Variants in CTNNA2 observed in about 807,000 individuals in gnomAD.
CTNNA2 encodes the protein catenin alpha 2.
In CTNNA2, 42 loss-of-function variants were observed where a neutral mutation model predicts 101.0. The observed-to-expected ratio is 0.42, with a 90% CI of 0.32 to 0.54. CTNNA2 has a LOEUF of 0.54. CTNNA2 is among the 20% of genes least tolerant of loss of function. The pLI is 0.14. For missense variants in CTNNA2, 871 were observed against 1,223.1 expected, an observed-to-expected ratio of 0.71 and a Z score of 4.29; for synonymous variants, 450 against 456.4, an observed-to-expected ratio of 0.99 and a Z score of 0.18.
intron 9 of CTNNA2, among the ~76,000 whole-genome samples, chr2:80,524,927 C>A (rs1187038597): frequency 6.6e-6 from 1 of 152,110 alleles, no homozygotes; most frequent in Non-Finnish European, 1.5e-5. Flanking sequence ...GCCACCCCCA[C>A]CTCATACTTT....
intron 2 of CTNNA2, among the ~76,000 whole-genome samples, chr2:79,251,904 C>T (rs911992764): frequency 5.3e-5 from 8 of 152,168 alleles, no homozygotes; most frequent in African/African-American, 1.9e-4. Flanking sequence ...GCAATATATA[C>T]TAAACCGCCA....
chr2:80,505,942 T>A (rs1316449909), intron 9 of CTNNA2, among the ~76,000 whole-genome samples: 1 of 152,164 alleles, frequency 6.6e-6, no homozygotes, highest in Non-Finnish European at 1.5e-5. Context: ...AAGGGATATG[T>A]GGAGAATTTT....
At chr2:80,546,159 G>C in intron 11 of CTNNA2, 96 bp downstream of exon 11, 1 of 1,455,508 alleles carries the variant, frequency 6.9e-7, no homozygotes, top group Admixed American at 2.1e-5. Context: ...CTGTGTTTCA[G>C]GCGCACTCCT....
At chr2:79,693,261 G>T (rs1172363378) in intron 2 of CTNNA2, among the ~76,000 whole-genome samples, 1 of 151,870 alleles carries the variant, frequency 6.6e-6, no homozygotes, top group Non-Finnish European at 1.5e-5. Context: ...GGTGTTAGAA[G>T]TGGATGAGGC....
intron 7 of CTNNA2, among the ~76,000 whole-genome samples, chr2:80,317,255 C>G (rs993381639): frequency 1.3e-5 from 2 of 152,144 alleles, no homozygotes; most frequent in African/African-American, 4.8e-5. Context: ...CAAACATTCA[C>G]CAGCATCCTC....
chr2:79,503,925 T>C (rs1671356722), intron 4 of CTNNA2, among the ~76,000 whole-genome samples: 1 of 152,160 alleles, frequency 6.6e-6, no homozygotes, highest in African/African-American at 2.4e-5. Flanking sequence ...GAAGTTGAGT[T>C]GCTGCTCTAT....
At chr2:80,275,589 T>C (rs1201581215) in intron 7 of CTNNA2, among the ~76,000 whole-genome samples, 4 of 152,152 alleles carry the variant, frequency 2.6e-5, no homozygotes, top group Non-Finnish European at 4.4e-5. Context: ...GTTGTTGATA[T>C]TGTTAATTAA....
chr2:79,888,157 C>A (rs889008576), intron 6 of CTNNA2, among the ~76,000 whole-genome samples: 2 of 152,114 alleles, frequency 1.3e-5, no homozygotes, highest in African/African-American at 4.8e-5. Context: ...CCATCCCTAC[C>A]TCTGGGATGG....
intron 2 of CTNNA2, among the ~76,000 whole-genome samples, chr2:79,735,798 G>A (rs1360853913): frequency 3.3e-5 from 5 of 152,148 alleles, no homozygotes; most frequent in Non-Finnish European, 7.4e-5. Flanking sequence ...CTCAGTATCA[G>A]TGGGCATGCA....
intron 3 of CTNNA2, among the ~76,000 whole-genome samples, chr2:79,787,248 T>C (rs562044799): frequency 2.0e-5 from 3 of 152,312 alleles, no homozygotes; most frequent in Non-Finnish European, 4.4e-5. Context: ...TATATACTTA[T>C]AACTTTTTTC....
chr2:80,209,622 C>T (rs946441717), intron 7 of CTNNA2, among the ~76,000 whole-genome samples: 2 of 151,976 alleles, frequency 1.3e-5, no homozygotes, highest in African/African-American at 4.8e-5. Flanking sequence ...CACACACACA[C>T]AGACACACCA....
intron 7 of CTNNA2, among the ~76,000 whole-genome samples, chr2:80,116,730 G>A (rs1365404040): frequency 6.6e-6 from 1 of 152,166 alleles, no homozygotes; most frequent in Non-Finnish European, 1.5e-5. Flanking sequence ...GGAAGAACAG[G>A]CTCAGGGAAG....
chr2:80,081,795 C>G (rs992464375), intron 7 of CTNNA2, among the ~76,000 whole-genome samples: 4 of 151,644 alleles, frequency 2.6e-5, no homozygotes, highest in Non-Finnish European at 5.9e-5. Flanking sequence ...TTCTCTCTCT[C>G]TCTATCTCCT....
At chr2:80,133,606 C>T (rs1193845675) in intron 7 of CTNNA2, among the ~76,000 whole-genome samples, 5 of 152,118 alleles carry the variant, frequency 3.3e-5, no homozygotes, top group Non-Finnish European at 5.9e-5. Flanking sequence ...TGAACCTCTA[C>T]TGGACAGAAC....
chr2:80,012,875 A>G (rs1398310969), intron 7 of CTNNA2, among the ~76,000 whole-genome samples: 1 of 152,180 alleles, frequency 6.6e-6, no homozygotes, highest in South Asian at 2.1e-4. Flanking sequence ...AAAATTTAAA[A>G]CATTCTCGAC....
At chr2:79,342,559 A>G (rs1677160955) in intron 3 of CTNNA2, among the ~76,000 whole-genome samples, 2 of 152,224 alleles carry the variant, frequency 1.3e-5, no homozygotes, top group African/African-American at 4.8e-5. Flanking sequence ...TGGAAGAGGA[A>G]ATACAGTGAT....
chr2:80,436,398 G>C (rs1186674821), intron 9 of CTNNA2, among the ~76,000 whole-genome samples: 2 of 151,634 alleles, frequency 1.3e-5, no homozygotes, highest in East Asian at 2.0e-4. Context: ...GTGAAGCTCT[G>C]GCATAAGAAA....
intron 2 of CTNNA2, among the ~76,000 whole-genome samples, chr2:79,671,135 G>A (rs991179914): frequency 1.1e-4 from 17 of 152,212 alleles, no homozygotes; most frequent in Non-Finnish European, 2.2e-4. Context: ...AAGCAGGCCT[G>A]TGCACTGGAT....
At chr2:79,724,557 T>G (rs1174168543) in intron 2 of CTNNA2, among the ~76,000 whole-genome samples, 4 of 152,012 alleles carry the variant, frequency 2.6e-5, no homozygotes, top group Admixed American at 1.3e-4. Flanking sequence ...GGCTCACGCC[T>G]GTAACCCCAG....
Sources: gnomAD v4.1 joint callset for allele counts (sites outside exome capture counted in the v4.1 genomes callset) on GRCh38, gnomAD v4.1.1 for gene constraint, MANE v1.5 for transcripts, NCBI Gene and HGNC (gene_info 2026-07-23, HGNC 2026-07-21) for gene names.